Variants in AGPAT4 observed in about 807,000 individuals in gnomAD.
AGPAT4 encodes the protein 1-acylglycerol-3-phosphate O-acyltransferase 4.
AGPAT4 carries 15 observed loss-of-function variants against 48.0 expected under a neutral mutation model. The observed-to-expected ratio is 0.31, with a 90% CI of 0.21 to 0.48. AGPAT4 has a LOEUF of 0.48. Ranked by LOEUF, AGPAT4 falls within the 20% of genes least tolerant of loss-of-function variation. The pLI is 0.99. For synonymous variants in AGPAT4, 178 were observed against 198.7 expected, an observed-to-expected ratio of 0.90 and a Z score of 0.88; for missense variants, 314 against 482.5, an observed-to-expected ratio of 0.65 and a Z score of 3.27.
Position 161,177,634 on chromosome 6 carries a change from AAGC to A in AGPAT4, c.179-11220_179-11218del, listed in dbSNP as rs1780464147. The stretch of plus-strand genomic sequence containing the variant: ...GAAGTTTGTTATTACTGATCGTCTG[AAGC>A]CTTCTTTTCTCAACATGTCAAAGTC... On this transcript the variant is annotated intron_variant, in intron 2 of 8. Transcript: ENST00000320285. The surrounding 1 kb of genome is among the most constrained non-coding windows in gnomAD (Gnocchi z 5.0). Among the ~76,000 whole-genome samples the A allele has an allele frequency of 6.6e-6, 1 of 152,128 alleles. No individual in the cohort carries two copies. Among genetic ancestry groups the A allele is most frequent in the Non-Finnish European group, 1.5e-5 (1 of 68,040 alleles).
chr6:161,185,868 C>CT (rs922304466), intron 2 of AGPAT4, among the ~76,000 whole-genome samples: 2 of 151,988 alleles, frequency 1.3e-5, no homozygotes, highest in African/African-American at 2.4e-5. Flanking sequence ...CCTGGATTTT[C>CT]TTTTTTTTAA....
chr6:161,130,773 A>G lies in AGPAT4; in HGVS notation c.*5767T>C. 4.0e-6 allele frequency: 2 copies of G among 500,692 alleles called. No individual in the cohort carries two copies. Among genetic ancestry groups the G allele is most frequent in the Non-Finnish European group, 8.1e-6 (2 of 247,390 alleles). The allele number at this position is 500,692 out of a possible 1,614,324, so 31.0% of individuals were successfully genotyped here. A position where few individuals can be genotyped will look rare whatever the true frequency, so the allele number is the denominator to read the frequency against. On this transcript the variant is annotated 3_prime_UTR_variant, in exon 9 of 9. Coordinates refer to ENST00000320285, the MANE Select transcript of AGPAT4 (RefSeq NM_020133.3). ...GCCTTGGCACAGCTGAGGCCATGCC[A>G]TTGCTACCCGGAAGCTGGCTCTGCA...
At chr6:161,269,957 C>T (rs745611405) in intron 1 of AGPAT4, among the ~76,000 whole-genome samples, 21 of 152,096 alleles carry the variant, frequency 1.4e-4, no homozygotes, top group Non-Finnish European at 2.4e-4. Context: ...AACAATGAAA[C>T]CAATGGGAAA....
intron 2 of AGPAT4, among the ~76,000 whole-genome samples, chr6:161,174,281 T>C (rs1250688320): frequency 6.6e-6 from 1 of 152,238 alleles, no homozygotes; most frequent in African/African-American, 2.4e-5. Context: ...TCCATGAGCA[T>C]GGAATGTTCT....
intron 2 of AGPAT4, among the ~76,000 whole-genome samples, chr6:161,167,651 T>C (rs1377860986): frequency 1.3e-5 from 2 of 152,152 alleles, no homozygotes; most frequent in African/African-American, 2.4e-5. Flanking sequence ...CCTAGTGTTG[T>C]AGCTCAAGCG....
Position 161,180,216 on chromosome 6 carries a change from C to T in AGPAT4, c.179-13799G>A, listed in dbSNP as rs73015456. ...CGCAGGTAGAGAGGGGTCTTAGGCT[C>T]CCCTTCCCCACCATTCCCCAAGGCT... On this transcript the variant is annotated intron_variant, in intron 2 of 8. Coordinates refer to ENST00000320285, the MANE Select transcript of AGPAT4 (RefSeq NM_020133.3). The surrounding 1 kb of genome is among the most constrained non-coding windows in gnomAD (Gnocchi z 6.4). Among the ~76,000 whole-genome samples the T allele has an allele frequency of 4.9e-3, 744 of 152,286 alleles. 5 individuals carry two copies. The highest frequency in any genetic ancestry group is 8.1e-3 in the Non-Finnish European group (551 of 68,014).
rs1028067359 is a variant in AGPAT4 at position 161,261,043 on chromosome 6, G to A, written c.-90+12895C>T. ...TGAGCAGGGCTCACTCTGGTGCTCC[G>A]AGCTCGTGTATTCCGTTCCACCTGC... On this transcript the variant is annotated intron_variant, in intron 1 of 8. Transcript: ENST00000320285. The surrounding 1 kb of genome is among the most constrained non-coding windows in gnomAD (Gnocchi z 5.3). 1.3e-5 allele frequency among the ~76,000 whole-genome samples: 2 copies of A among 152,160 alleles called. No homozygotes were observed. The highest frequency in any genetic ancestry group is 1.9e-4 in the East Asian group (1 of 5,194).
At position 161,261,280 on chromosome 6, in the gene AGPAT4, GACAA is replaced by G. The variant is rs1447529890; in HGVS notation, c.-90+12654_-90+12657del. The stretch of plus-strand genomic sequence containing the variant: ...ACTTACTGACTGCACGAGTCCATGA[GACAA>G]ACAACAGAAAAGACCCGGCACAGTC... On this transcript the variant is annotated intron_variant, in intron 1 of 8. Transcript: ENST00000320285. This position sits in a 1 kb window ranked among gnomAD's most constrained non-coding sequence, Gnocchi z 5.3. 6.6e-6 allele frequency among the ~76,000 whole-genome samples: 1 copy of G among 152,128 alleles called. No individual in the cohort carries two copies. Among genetic ancestry groups the G allele is most frequent in the Non-Finnish European group, 1.5e-5 (1 of 68,040 alleles).
At chr6:161,151,800 T>C (rs1296151548) in intron 5 of AGPAT4, among the ~76,000 whole-genome samples, 2 of 152,152 alleles carry the variant, frequency 1.3e-5, no homozygotes, top group Admixed American at 6.5e-5. Flanking sequence ...TTGACGCTGC[T>C]GGACAGTGCA....
In AGPAT4 at chr6:161,181,516, G is replaced by GA. The variant is rs1361019000; in HGVS notation, c.179-15100_179-15099insT. On this transcript the variant is annotated intron_variant, in intron 2 of 8. Coordinates refer to ENST00000320285, the MANE Select transcript of AGPAT4 (RefSeq NM_020133.3). ...CGGTGGGGGTAGCAGGGGGCGGGGG[G>GA]CGCTTCCTAACTGCCCAACACTAAG... 3.3e-5 allele frequency among the ~76,000 whole-genome samples: 5 copies of GA among 150,486 alleles called. 1 individual carries two copies. Among genetic ancestry groups the GA allele is most frequent in the Non-Finnish European group, 5.9e-5 (4 of 67,354 alleles).
chr6:161,231,965 A>G lies in AGPAT4; in HGVS notation c.178+71T>C, dbSNP rs1299083803. 3.4e-6 allele frequency: 5 copies of G among 1,457,120 alleles called. No homozygotes were observed. The highest frequency in any genetic ancestry group is 3.7e-5 in the Admixed American group (2 of 53,526). 90.3% of individuals were successfully genotyped at this position (1,457,120 alleles called of 1,614,324 possible). On this transcript the variant is annotated intron_variant, in intron 2 of 8. Coordinates refer to ENST00000320285, the MANE Select transcript of AGPAT4 (RefSeq NM_020133.3). This position sits in a 1 kb window ranked among gnomAD's most constrained non-coding sequence, Gnocchi z 5.3. ...CACACAACGAAAGCCTAGTGAATCC[A>G]TATCAAGAGCCATAATTCTGATACA...
chr6:161,150,781 C>G (rs911601572), intron 5 of AGPAT4, among the ~76,000 whole-genome samples: 11 of 152,200 alleles, frequency 7.2e-5, no homozygotes, highest in African/African-American at 1.2e-4. Flanking sequence ...ATTTCCCAGG[C>G]ATTTTAAAGC....
rs369095971 is a variant in AGPAT4, at chr6:161,255,515, A to G, written c.-90+18423T>C. 1.3e-5 allele frequency among the ~76,000 whole-genome samples: 2 copies of G among 152,240 alleles called. No homozygotes were observed. Among genetic ancestry groups the G allele is most frequent in the East Asian group, 3.8e-4 (2 of 5,200 alleles). ...TGGATAAATACAATACAGTATATCC[A>G]TAAAATGGAATATTCTCCAGCCACA... On this transcript the variant is annotated intron_variant, in intron 1 of 8. Coordinates refer to ENST00000320285, the MANE Select transcript of AGPAT4 (RefSeq NM_020133.3). This position sits in a 1 kb window ranked among gnomAD's most constrained non-coding sequence, Gnocchi z 4.7.
intron 1 of AGPAT4, among the ~76,000 whole-genome samples, chr6:161,257,002 G>A (rs1185153904): frequency 6.6e-6 from 1 of 152,210 alleles, no homozygotes; most frequent in Non-Finnish European, 1.5e-5. Flanking sequence ...GCCAGTGGGC[G>A]TGGAGGCAGA....
intron 2 of AGPAT4, among the ~76,000 whole-genome samples, chr6:161,199,889 T>A (rs1781178254): frequency 6.6e-6 from 1 of 152,172 alleles, no homozygotes; most frequent in South Asian, 2.1e-4. Flanking sequence ...CTCAGGTAGC[T>A]CTTCATAGCA....
At position 161,154,664 on chromosome 6, in the gene AGPAT4, C is replaced by T. The variant is rs1779715220; in HGVS notation, c.349-354G>A. Among the ~76,000 whole-genome samples, 1 of 152,204 alleles carries T rather than the reference C, an allele frequency of 6.6e-6. No homozygotes were observed. The highest frequency in any genetic ancestry group is 1.5e-5 in the Non-Finnish European group (1 of 68,022). ...TTCTAGGTTATCACCGTCACATACT[C>T]GCTAAGCCCACCGTGCAGCTGTGTG... On this transcript the variant is annotated intron_variant, in intron 3 of 8. Transcript: ENST00000320285. The surrounding 1 kb of genome is among the most constrained non-coding windows in gnomAD (Gnocchi z 7.8).
Position 161,190,390 on chromosome 6 carries a change from T to TA in AGPAT4, c.179-23974dup, listed in dbSNP as rs563036515. ...TTTTCTGTAAACTTAAAAGTGCTCT[T>TA]AAAAAATAGCCCATTAATTTTTTAA... is the stretch of plus-strand genomic sequence containing the variant. On this transcript the variant is annotated intron_variant, in intron 2 of 8. Coordinates refer to ENST00000320285, the MANE Select transcript of AGPAT4 (RefSeq NM_020133.3). Among the ~76,000 whole-genome samples the TA allele has an allele frequency of 2.1e-3, 319 of 152,282 alleles. 2 individuals carry two copies. Among genetic ancestry groups the TA allele is most frequent in the African/African-American group, 7.2e-3 (301 of 41,554 alleles).
At position 161,166,148 on chromosome 6, in the gene AGPAT4, G is replaced by T; in HGVS notation, c.348+100C>A. On this transcript the variant is annotated intron_variant, in intron 3 of 8. Transcript: ENST00000320285. The surrounding 1 kb of genome is among the most constrained non-coding windows in gnomAD (Gnocchi z 6.7). Reference sequence around the variant, plus strand: ...CATTTCATCAAGTAGAAACTCTGTTGATTCTTCTGCAAGTTCTGAATGACC... The same window carrying T: ...CATTTCATCAAGTAGAAACTCTGTTTATTCTTCTGCAAGTTCTGAATGACC... The T allele has an allele frequency of 1.4e-6, 2 of 1,459,504 alleles. No individual in the cohort carries two copies. The highest frequency in any genetic ancestry group is 1.9e-6 in the Non-Finnish European group (2 of 1,068,820). 90.4% of individuals were successfully genotyped at this position (1,459,504 alleles called of 1,614,324 possible). A position where few individuals can be genotyped will look rare whatever the true frequency, so the allele number is the denominator to read the frequency against.
intron 2 of AGPAT4, among the ~76,000 whole-genome samples, chr6:161,203,381 C>CTTTTTTTTTTTTTTTTTTTTTTTTTTT (rs10585542): frequency 1.8e-5 from 2 of 110,764 alleles, no homozygotes; most frequent in East Asian, 2.9e-4. Flanking sequence ...CTTTTTCTTT[C>CTTTTTTTTTTTTTTTTTTTTTTTTTTT]TTTTTTTTTT....
Sources: gnomAD v4.1 joint callset for allele counts (sites outside exome capture counted in the v4.1 genomes callset) on GRCh38, gnomAD v4.1.1 for gene constraint, Gnocchi (gnomAD v3.1) non-coding constraint, MANE v1.5 for transcripts, NCBI Gene and HGNC (gene_info 2026-07-23, HGNC 2026-07-21) for gene names.